Variants in CD109 observed in about 807,000 individuals in gnomAD.
CD109 encodes CD109 antigen.
In CD109, 149 loss-of-function variants were observed where a neutral mutation model predicts 165.8. The ratio of observed to expected loss-of-function variants is 0.90; its 90% CI spans 0.79 to 1.03. CD109 has a LOEUF of 1.03. Ranked by LOEUF, CD109 falls within the 50% of genes least tolerant of loss-of-function variation. CD109 has a pLI of 0.00. For missense variants in CD109, 1,712 were observed against 1,677.8 expected (o/e 1.02, Z -0.36); for synonymous variants, 585 against 592.1 (o/e 0.99, Z 0.18).
In CD109 at chr6:73,826,985, G is replaced by A. The variant is rs1230472625; in HGVS notation, c.*3352G>A. 21 of 151,362 alleles carry A rather than the reference G, an allele frequency of 1.4e-4. No homozygotes were observed. Among genetic ancestry groups the A allele is most frequent in the Admixed American group, 1.1e-3 (16 of 15,166 alleles). The allele number at this position is 151,362 out of a possible 1,614,324, so 9.4% of individuals were successfully genotyped here. A position where few individuals can be genotyped will look rare whatever the true frequency, so the allele number is the denominator to read the frequency against. ...ATAATTCAATTATTTCATTTGACAT[G>A]TCTGGCAGACTCAAGACATTAAGTA... On this transcript the variant is annotated 3_prime_UTR_variant, in exon 33 of 33. Coordinates refer to ENST00000287097, the MANE Select transcript of CD109 (RefSeq NM_133493.5).
intron 5 of CD109, among the ~76,000 whole-genome samples, chr6:73,753,146 C>A (rs1477844785): frequency 6.6e-6 from 1 of 152,132 alleles, no homozygotes; most frequent in Non-Finnish European, 1.5e-5. Flanking sequence ...CGTTTGTTTA[C>A]AAATTGTGTC....
chr6:73,687,118 A>G, the CD109 span, among the ~76,000 whole-genome samples: 1 of 152,240 alleles, frequency 6.6e-6, no homozygotes, highest in Non-Finnish European at 1.5e-5. Context: ...TAATTCACAA[A>G]GAGTAGTGAT....
chr6:73,684,553 A>G, the CD109 span, among the ~76,000 whole-genome samples: 311 of 151,820 alleles, frequency 2.0e-3, no homozygotes, highest in Non-Finnish European at 4.0e-3. Flanking sequence ...TATCCATTTT[A>G]ACAGGTATAA....
chr6:73,804,209 A>G (rs1455456944), intron 24 of CD109: 1 of 152,266 alleles, frequency 6.6e-6, no homozygotes, highest in Non-Finnish European at 1.5e-5. Flanking sequence ...ATTATTGAAT[A>G]TCAGTAATGT....
intron 19 of CD109, among the ~76,000 whole-genome samples, chr6:73,785,096 A>G (rs1326756509): frequency 6.6e-6 from 1 of 152,252 alleles, no homozygotes; most frequent in Non-Finnish European, 1.5e-5. Context: ...TGGGGTTGTA[A>G]TAACCAAACA....
chr6:73,726,001 G>T (rs780299987), intron 3 of CD109, among the ~76,000 whole-genome samples: 2 of 152,188 alleles, frequency 1.3e-5, no homozygotes, highest in African/African-American at 4.8e-5. Context: ...GAAATAAAGT[G>T]TATGGACAAA....
At chr6:73,823,214 T>C (rs1776159595) in intron 32 of CD109, among the ~76,000 whole-genome samples, 1 of 152,200 alleles carries the variant, frequency 6.6e-6, no homozygotes, top group African/African-American at 2.4e-5. Flanking sequence ...GTCTATTTGC[T>C]CTCTTTTAAT....
At chr6:73,681,607 CT>C in the CD109 span, among the ~76,000 whole-genome samples, 199 of 143,688 alleles carry the variant, frequency 1.4e-3, no homozygotes, top group Middle Eastern at 3.8e-3. Flanking sequence ...ACTTCCCCCA[CT>C]TTTTTTTTTT....
At chr6:73,815,421 A>G (rs972720703) in intron 30 of CD109, among the ~76,000 whole-genome samples, 5 of 152,208 alleles carry the variant, frequency 3.3e-5, no homozygotes, top group Admixed American at 3.3e-4. Flanking sequence ...TAAGTCAATC[A>G]TATTTAATAC....
intron 16 of CD109, among the ~76,000 whole-genome samples, chr6:73,780,736 TATGTA>T (rs1774453030): frequency 1.8e-5 from 1 of 55,696 alleles, no homozygotes; most frequent in African/African-American, 9.0e-5. Flanking sequence ...ATTTTTCCTT[TATGTA>T]TATGTATTTC....
intron 29 of CD109, among the ~76,000 whole-genome samples, chr6:73,812,643 T>C (rs1205312451): frequency 2.0e-5 from 3 of 152,098 alleles, no homozygotes; most frequent in Admixed American, 6.6e-5. Context: ...GGGGAGGAAT[T>C]GTGTCCCTTT....
rs75858226 is a variant in CD109, at chr6:73,770,875, G to A, written c.1675-554G>A. Among the ~76,000 whole-genome samples the A allele has an allele frequency of 5.1e-4, 78 of 152,290 alleles. 1 individual carries two copies. In the East Asian group the frequency reaches 0.014, roughly 28 times the overall value. ...GGTCCAGGACCATGCTTTCCTGAGG[G>A]TAATGGTGAGGAAGTTTAGAAGGCC... On this transcript the variant is annotated intron_variant, in intron 14 of 32. Coordinates refer to ENST00000287097, the MANE Select transcript of CD109 (RefSeq NM_133493.5).
the CD109 span, among the ~76,000 whole-genome samples, chr6:73,689,051 T>G: frequency 7.2e-5 from 11 of 152,344 alleles, no homozygotes; most frequent in East Asian, 2.1e-3. Flanking sequence ...ATTACAGGCA[T>G]GAGCCACCAA....
chr6:73,749,340 CA>C (rs915242776), intron 5 of CD109, among the ~76,000 whole-genome samples: 3 of 152,138 alleles, frequency 2.0e-5, no homozygotes, highest in Non-Finnish European at 4.4e-5. Context: ...TAAGGATCTT[CA>C]CAACTTTACA....
In CD109 at chr6:73,701,329, A is replaced by G. The variant is rs561608568; in HGVS notation, c.247+3757A>G. Among the ~76,000 whole-genome samples, 157 of 152,308 alleles carry G rather than the reference A, an allele frequency of 1.0e-3. 6 individuals carry two copies. In the South Asian group the frequency reaches 0.03, roughly 29 times the overall value. ...CCTAATCTTATCTTCCTTTGCATAA[A>G]GAGTTAGTTAAATAAACATAACTGG... On this transcript the variant is annotated intron_variant, in intron 2 of 32. Transcript: ENST00000287097.
intron 19 of CD109, among the ~76,000 whole-genome samples, chr6:73,784,994 C>G (rs952364912): frequency 6.6e-6 from 1 of 152,112 alleles, no homozygotes; most frequent in Non-Finnish European, 1.5e-5. Context: ...TCTGGCTCCT[C>G]TACTTGCCAG....
At position 73,759,033 on chromosome 6, in the gene CD109, G is replaced by A. The variant is rs1425533976; in HGVS notation, c.758+5G>A. 2 of 1,556,904 alleles carry A rather than the reference G, an allele frequency of 1.3e-6. No individual in the cohort carries two copies. The highest frequency in any genetic ancestry group is 2.2e-5 in the East Asian group (1 of 44,480). ...AAATGGTACCATCACGGCAAAGTAA[G>A]TGTCATTTTTCTTTTGATATGACTC... On this transcript the variant is annotated splice_donor_5th_base_variant and intron_variant, in intron 7 of 32. Transcript: ENST00000287097.
intron 29 of CD109, among the ~76,000 whole-genome samples, chr6:73,812,745 A>G (rs572918601): frequency 6.6e-6 from 1 of 152,216 alleles, no homozygotes; most frequent in South Asian, 2.1e-4. Flanking sequence ...AGAAATCTAC[A>G]TTTTTATAGT....
At chr6:73,711,534 G>GTTTTTTTTTTTT (rs765302167) in intron 2 of CD109, among the ~76,000 whole-genome samples, 3,162 of 23,450 alleles carry the variant, frequency 0.13, 1,448 homozygotes, top group Non-Finnish European at 0.81. Flanking sequence ...CGTACTTTAA[G>GTTTTTTTTTTTT]TTTTTTTTTT....
Sources: allele counts gnomAD v4.1 joint callset (sites outside exome capture counted in the v4.1 genomes callset), GRCh38; gene constraint gnomAD v4.1.1; transcripts MANE v1.5; gene names NCBI Gene and HGNC (gene_info 2026-07-23, HGNC 2026-07-21).